GRIA4: variants seen among roughly 807,000 people sequenced by gnomAD.
GRIA4 encodes glutamate receptor 4.
Under a neutral mutation model 104.0 loss-of-function variants are expected in GRIA4, and 34 were observed. The ratio of observed to expected loss-of-function variants is 0.33; its 90% CI spans 0.25 to 0.44. The LOEUF is 0.44. Ranked by LOEUF, GRIA4 falls within the 20% of genes least tolerant of loss-of-function variation. GRIA4 has a pLI of 1.00. For missense variants in GRIA4, 750 were observed against 1,096.5 expected (o/e 0.68, Z 4.46); for synonymous variants, 386 against 381.9 (o/e 1.01, Z -0.13).
chr11:105,619,019 A>G (rs903100413), intron 3 of GRIA4, among the ~76,000 whole-genome samples: 1 of 151,946 alleles, frequency 6.6e-6, no homozygotes, highest in African/African-American at 2.4e-5. Context: ...GATAACTGTA[A>G]TATCTTCAAC....
rs767336514 is a variant in GRIA4 at position 105,903,847 on chromosome 11, G to C, written c.919G>C (p.Val307Leu). The change falls in exon 8 of 17, where the codon GTG becomes CTG. Residue 307 changes from valine (V) to leucine (L), a missense_variant. Physicochemically the swap from Val to Leu is conservative, Grantham distance 32. Around this residue, in one of 3 missense-constraint regions of GRIA4, gnomAD observed 410 missense variants for 502.7 expected, o/e 0.82. Coordinates refer to ENST00000282499, the MANE Select transcript of GRIA4 (RefSeq NM_000829.4). ...TSALTYDGVLVMAETFRSLRR... is the reference protein window; with the variant it reads ...TSALTYDGVLLMAETFRSLRR... ...TGCTCTGACTTATGATGGAGTCCTTGTGATGGCTGAAACTTTCCGAAGTCT... is the reference window on the plus strand; with the variant it reads ...TGCTCTGACTTATGATGGAGTCCTTCTGATGGCTGAAACTTTCCGAAGTCT... 1.9e-6 allele frequency: 3 copies of C among 1,611,634 alleles called. No individual in the cohort carries two copies. In the South Asian group the frequency reaches 3.3e-5, roughly 18 times the overall value.
intron 3 of GRIA4, among the ~76,000 whole-genome samples, chr11:105,668,839 C>CT (rs923681301): frequency 6.6e-6 from 1 of 151,648 alleles, no homozygotes; most frequent in African/African-American, 2.4e-5. Flanking sequence ...ATCATTTTAT[C>CT]TTTTTTTGGC....
At chr11:105,655,206 A>G (rs978211401) in intron 3 of GRIA4, among the ~76,000 whole-genome samples, 2 of 152,136 alleles carry the variant, frequency 1.3e-5, no homozygotes, top group African/African-American at 4.8e-5. Flanking sequence ...ACACATGATT[A>G]TTAGTGTGAT....
intron 3 of GRIA4, among the ~76,000 whole-genome samples, chr11:105,659,037 T>A (rs945282601): frequency 1.3e-5 from 2 of 151,998 alleles, no homozygotes; most frequent in Admixed American, 6.6e-5. Flanking sequence ...TATTCTAGCA[T>A]GTTCACAGAA....
chr11:105,814,057 A>C (rs1437871457), intron 4 of GRIA4, among the ~76,000 whole-genome samples: 1 of 152,192 alleles, frequency 6.6e-6, no homozygotes, highest in African/African-American at 2.4e-5. Flanking sequence ...GCAAGTGCAA[A>C]TGTGCTGAAC....
chr11:105,622,066 T>C (rs1950762240), intron 3 of GRIA4, among the ~76,000 whole-genome samples: 1 of 151,886 alleles, frequency 6.6e-6, no homozygotes, highest in Non-Finnish European at 1.5e-5. Context: ...ATTAACCCTT[T>C]GTCATATACG....
At chr11:105,873,858 C>T (rs939471160) in intron 5 of GRIA4, among the ~76,000 whole-genome samples, 1 of 152,228 alleles carries the variant, frequency 6.6e-6, no homozygotes, top group African/African-American at 2.4e-5. Flanking sequence ...TTCTCCCATT[C>T]TGTAGGTTGC....
chr11:105,725,777 C>T (rs904782944), intron 3 of GRIA4, among the ~76,000 whole-genome samples: 12 of 152,134 alleles, frequency 7.9e-5, no homozygotes, highest in East Asian at 5.8e-4. Context: ...TCACCTCACC[C>T]GGGAAGCACA....
intron 1 of GRIA4, 186 bp from the exon 2 acceptor site, chr11:105,610,722 A>G (rs888023324): frequency 1.5e-5 from 6 of 392,808 alleles, no homozygotes; most frequent in African/African-American, 1.2e-4. Context: ...TGCATGTGCA[A>G]CATTTGCAGC....
intron 11 of GRIA4, among the ~76,000 whole-genome samples, chr11:105,924,187 C>T (rs1947644612): frequency 6.6e-6 from 1 of 152,092 alleles, no homozygotes; most frequent in South Asian, 2.1e-4. Flanking sequence ...ATTACTGGAA[C>T]ATATTAAAAT....
intron 10 of GRIA4, chr11:105,911,963 C>G: frequency 6.6e-7 from 1 of 1,517,738 alleles, no homozygotes. Flanking sequence ...AGGCTCAAGT[C>G]TTGTTCTCCA....
intron 10 of GRIA4, chr11:105,913,039 A>G (rs1367293135): frequency 1.1e-6 from 1 of 914,112 alleles, no homozygotes; most frequent in African/African-American, 1.8e-5. Flanking sequence ...TCCTTTGTGT[A>G]TGTTCTTATT....
intron 4 of GRIA4, among the ~76,000 whole-genome samples, chr11:105,762,638 C>T (rs539545971): frequency 6.6e-6 from 1 of 152,178 alleles, no homozygotes; most frequent in African/African-American, 2.4e-5. Context: ...ATGGGAGGGA[C>T]CTGGTTTGAA....
chr11:105,900,643 G>A (rs1946820969), intron 7 of GRIA4, among the ~76,000 whole-genome samples: 1 of 152,050 alleles, frequency 6.6e-6, no homozygotes, highest in Non-Finnish European at 1.5e-5. Context: ...CTGGAGTGCA[G>A]TGTCGCGATC....
intron 3 of GRIA4, among the ~76,000 whole-genome samples, chr11:105,734,643 T>C (rs1565502468): frequency 6.6e-6 from 1 of 152,146 alleles, no homozygotes. Flanking sequence ...CTCTTCAGCC[T>C]TATCACTCAC....
chr11:105,729,673 C>A (rs546786447), intron 3 of GRIA4, among the ~76,000 whole-genome samples: 1 of 152,188 alleles, frequency 6.6e-6, no homozygotes, highest in African/African-American at 2.4e-5. Context: ...ATCAAGTGGG[C>A]TTTGTCCCTG....
At chr11:105,644,463 G>A (rs187764649) in intron 3 of GRIA4, among the ~76,000 whole-genome samples, 14 of 151,788 alleles carry the variant, frequency 9.2e-5, no homozygotes, top group Non-Finnish European at 1.9e-4. Flanking sequence ...AATTAGCCTG[G>A]TGTGGTGATA....
intron 7 of GRIA4, among the ~76,000 whole-genome samples, chr11:105,901,344 T>C (rs1946848284): frequency 6.6e-6 from 1 of 152,220 alleles, no homozygotes; most frequent in African/African-American, 2.4e-5. Flanking sequence ...TCTAAGTCCA[T>C]ACTTTTTCTA....
chr11:105,790,394 C>T (rs1310602076), intron 4 of GRIA4, among the ~76,000 whole-genome samples: 1 of 152,158 alleles, frequency 6.6e-6, no homozygotes, highest in African/African-American at 2.4e-5. Context: ...ATCCATCAGT[C>T]ACTAGGGGTA....
Sources: gnomAD v4.1 joint callset for allele counts (sites outside exome capture counted in the v4.1 genomes callset) on GRCh38, gnomAD v4.1.1 for gene constraint, gnomAD v4.1.1 regional missense constraint, MANE v1.5 for transcripts, NCBI Gene and HGNC (gene_info 2026-07-23, HGNC 2026-07-21) for gene names.